The following CEP350 variants were observed in gnomAD, a reference collection of about 807,000 sequenced individuals.
CEP350 encodes centrosomal protein 350.
A neutral mutation model predicts 331.8 loss-of-function variants in CEP350; 126 were observed. That is an observed-to-expected ratio of 0.38 (90% CI 0.33 to 0.44). The LOEUF (loss-of-function observed/expected upper bound fraction) is 0.44, where lower values mean the gene tolerates loss of function less well. CEP350 is among the 20% of genes least tolerant of loss of function. CEP350 has a pLI of 1.00. For synonymous variants in CEP350, 1,200 were observed against 1,259.5 expected (o/e 0.95, Z 1.00); for missense variants, 3,406 against 3,634.6 (o/e 0.94, Z 1.62).
rs764569247 is a variant in CEP350, at chr1:180,095,751, T to C, written c.8740T>C (p.Leu2914=). 7 of 1,613,908 alleles carry C rather than the reference T, an allele frequency of 4.3e-6. No homozygotes were observed. The highest frequency in any genetic ancestry group is 5.1e-6 in the Non-Finnish European group (6 of 1,179,906). The stretch of plus-strand genomic sequence containing the variant: ...AACCCAACAACCATGTGAAACATTA[T>C]TGGCAGTCCCCCATACTGCAGAAGA... The part of the protein sequence containing the change: ...RVTQQPCETL[L]AVPHTAEEVE... Residue 2914 remains leucine (L), a synonymous_variant, in exon 35 of 38, where the codon TTG becomes CTG. Coordinates refer to ENST00000367607, the MANE Select transcript of CEP350 (RefSeq NM_014810.5).
At chr1:180,069,946 T>A (rs1234277261) in intron 27 of CEP350, among the ~76,000 whole-genome samples, 1 of 152,202 alleles carries the variant, frequency 6.6e-6, no homozygotes. Context: ...TGGGGATACA[T>A]AGCATTGCAT....
Position 180,082,461 on chromosome 1 carries a change from C to T in CEP350, c.6125-1557C>T, listed in dbSNP as rs183023960. On this transcript the variant is annotated intron_variant, in intron 30 of 37. Transcript: ENST00000367607. ...TCCTGAGTAGCTGGGACTACAGGCG[C>T]ATGCTGCCACACCTGGCTAATTTTT... Among the ~76,000 whole-genome samples the T allele has an allele frequency of 4.1e-3, 625 of 152,160 alleles. 2 individuals are homozygous for T. The highest frequency in any genetic ancestry group is 0.014 in the Middle Eastern group (4 of 294).
chr1:180,011,861 T>C, intron 8 of CEP350, 68 bp from the exon 9 acceptor site: 1 of 1,015,494 alleles, frequency 9.8e-7, no homozygotes, highest in Non-Finnish European at 1.4e-6. Context: ...AAAACCTGTA[T>C]GGTTGAGTAG....
At position 180,065,097 on chromosome 1, in the gene CEP350, G is replaced by T. The variant is rs1436143930; in HGVS notation, c.5410-18G>T. On this transcript the variant is annotated intron_variant, in intron 26 of 37. Coordinates refer to ENST00000367607, the MANE Select transcript of CEP350 (RefSeq NM_014810.5). ...TCCTATTAAAGTCCAATACAATTTTGCCTCTTTTTGTTTGCAGGACTCTCA... is the reference window on the plus strand; with the variant it reads ...TCCTATTAAAGTCCAATACAATTTTTCCTCTTTTTGTTTGCAGGACTCTCA... The T allele has an allele frequency of 6.4e-7, 1 of 1,573,414 alleles. No homozygotes were observed. Among genetic ancestry groups the T allele is most frequent in the Non-Finnish European group, 8.6e-7 (1 of 1,165,320 alleles).
At chr1:179,971,052 A>G (rs1002504358) in intron 1 of CEP350, among the ~76,000 whole-genome samples, 17 of 148,534 alleles carry the variant, frequency 1.1e-4, no homozygotes, top group African/African-American at 4.2e-4. Context: ...TTTTTGAGAC[A>G]GAGTCTTGCT....
chr1:180,043,097 G>A lies in CEP350; in HGVS notation c.4404G>A (p.Val1468=). 6.2e-7 allele frequency: 1 copy of A among 1,613,718 alleles called. No individual in the cohort carries two copies. The highest frequency in any genetic ancestry group is 8.5e-7 in the Non-Finnish European group (1 of 1,179,738). Residue 1468 remains valine, a synonymous_variant, in exon 20 of 38, where the codon GTG becomes GTA. Transcript: ENST00000367607. ...LTRTHISDAV[V]ASGAPLAILY... ...GAACTCATATCTCAGATGCTGTCGTGGCTTCAGGAGCTCCCCTTGCAATAC... is the reference window on the plus strand; with the variant it reads ...GAACTCATATCTCAGATGCTGTCGTAGCTTCAGGAGCTCCCCTTGCAATAC...
intron 14 of CEP350, among the ~76,000 whole-genome samples, chr1:180,025,513 T>A (rs1655614742): frequency 6.6e-6 from 1 of 152,176 alleles, no homozygotes; most frequent in African/African-American, 2.4e-5. Flanking sequence ...CGGAGATGGA[T>A]AATCACTGTA....
chr1:180,108,424 C>T (rs751744294), intron 37 of CEP350, among the ~76,000 whole-genome samples: 75 of 151,950 alleles, frequency 4.9e-4, no homozygotes, highest in African/African-American at 1.5e-3. Flanking sequence ...AGCTTGAGCC[C>T]GGGAGGTGGA....
At chr1:180,053,216 C>T (rs1657618960) in intron 23 of CEP350, 50 bp downstream of exon 23, 2 of 913,286 alleles carry the variant, frequency 2.2e-6, no homozygotes, top group East Asian at 5.8e-5. Context: ...TATGTTCTCT[C>T]AAAGATATGA....
chr1:180,093,762 A>C lies in CEP350; in HGVS notation c.7657A>C (p.Lys2553Gln), dbSNP rs1393552778. Residue 2553 changes from lysine (K) to glutamine (Q), a missense_variant, in exon 34 of 38, where the codon AAG becomes CAG. Coordinates refer to ENST00000367607, the MANE Select transcript of CEP350 (RefSeq NM_014810.5). ...DGIAYFECKE[K>Q]HGIFAPPQKI... ...TATTGCATATTTTGAGTGCAAAGAAAAGCATGGTATTTTTGCTCCTCCTCA... is the reference window on the plus strand; with the variant it reads ...TATTGCATATTTTGAGTGCAAAGAACAGCATGGTATTTTTGCTCCTCCTCA... 3 of 1,613,834 alleles carry C rather than the reference A, an allele frequency of 1.9e-6. No individual in the cohort carries two copies. Among genetic ancestry groups the C allele is most frequent in the African/African-American group, 1.3e-5 (1 of 74,918 alleles).
chr1:180,013,687 C>T (rs570600520), intron 9 of CEP350, among the ~76,000 whole-genome samples, 160 bp from the exon 10 acceptor site: 6 of 152,078 alleles, frequency 3.9e-5, no homozygotes, highest in Non-Finnish European at 5.9e-5. Context: ...AAAAGGGAGG[C>T]TTTTCTTTCC....
At chr1:180,070,295 C>T (rs1658803456) in intron 27 of CEP350, among the ~76,000 whole-genome samples, 1 of 152,080 alleles carries the variant, frequency 6.6e-6, no homozygotes, top group South Asian at 2.1e-4. Context: ...AGGAGTTCCA[C>T]TTAAAATTTA....
chr1:180,036,011 C>G (rs981231986), intron 16 of CEP350, among the ~76,000 whole-genome samples: 1 of 152,182 alleles, frequency 6.6e-6, no homozygotes, highest in Admixed American at 6.5e-5. Flanking sequence ...GGAAGGAGAT[C>G]AAACTATGAG....
chr1:180,010,420 T>C (rs2148791433), intron 8 of CEP350, among the ~76,000 whole-genome samples: 1 of 151,444 alleles, frequency 6.6e-6, no homozygotes, highest in South Asian at 2.1e-4. Flanking sequence ...TTTTTTTTTT[T>C]TTTAAAGAAA....
At chr1:180,040,198 ACT>A (rs921465387) in intron 17 of CEP350, among the ~76,000 whole-genome samples, 3 of 151,872 alleles carry the variant, frequency 2.0e-5, no homozygotes, top group African/African-American at 7.3e-5. Flanking sequence ...GACAGCAGAA[ACT>A]CTGGACATTT....
chr1:180,011,988 A>G lies in CEP350; in HGVS notation c.1306A>G (p.Ile436Val), dbSNP rs777380878. The G allele has an allele frequency of 6.9e-6, 11 of 1,596,236 alleles. No homozygotes were observed. The highest frequency in any genetic ancestry group is 9.4e-6 in the Non-Finnish European group (11 of 1,170,228). The stretch of plus-strand genomic sequence containing the variant: ...AGATGGACAAAAATTAGTAAAGAAG[A>G]TTCTGGGACCTGCTCCCAGAATGGA... ...WRDGQKLVKK[I>V]LGPAPRMEPK... The change falls in exon 9 of 38, where the codon ATT becomes GTT. Residue 436 changes from isoleucine (I) to valine (V), a missense_variant. Transcript: ENST00000367607.
Position 180,087,693 on chromosome 1 carries a change from T to A in CEP350, c.6401T>A (p.Ile2134Asn). 6.3e-7 allele frequency: 1 copy of A among 1,584,536 alleles called. No homozygotes were observed. The highest frequency in any genetic ancestry group is 8.6e-7 in the Non-Finnish European group (1 of 1,163,794). Residue 2134 changes from isoleucine to asparagine, a missense_variant, in exon 32 of 38, where the codon ATC becomes AAC. Around this residue, in one of 5 missense-constraint regions of CEP350, gnomAD observed 1,415 missense variants for 1,512.3 expected, o/e 0.94. Transcript: ENST00000367607. ...TCCTCAGCTTCTGAAAAACCCAAGA[T>A]CAAACCCCTCACACCACTACACAGG... is the stretch of plus-strand genomic sequence containing the variant. ...TLSSASEKPKIKPLTPLHRSE... is the reference protein window; with the variant it reads ...TLSSASEKPKNKPLTPLHRSE...
chr1:180,031,172 T>A (rs961704859), intron 14 of CEP350, 148 bp from the exon 15 acceptor site: 8 of 469,282 alleles, frequency 1.7e-5, no homozygotes, highest in Admixed American at 7.9e-5. Context: ...ATTTTAGATA[T>A]GGAAAACAGA....
rs571589300 is a variant in CEP350, at chr1:180,010,080, G to A, written c.1247-1849G>A. On this transcript the variant is annotated intron_variant, in intron 8 of 37. Coordinates refer to ENST00000367607, the MANE Select transcript of CEP350 (RefSeq NM_014810.5). ...CATTCATTTTAAAATTGTAATAGTA[G>A]GTTATGGTAATCACTGTTTATTTAA... is the stretch of plus-strand genomic sequence containing the variant. Among the ~76,000 whole-genome samples, 3 of 152,094 alleles carry A rather than the reference G, an allele frequency of 2.0e-5. No homozygotes were observed. In the South Asian group the frequency reaches 6.2e-4, roughly 32 times the overall value.
Sources: gnomAD v4.1 joint callset for allele counts (sites outside exome capture counted in the v4.1 genomes callset) on GRCh38, gnomAD v4.1.1 for gene constraint, gnomAD v4.1.1 regional missense constraint, MANE v1.5 for transcripts, NCBI Gene and HGNC (gene_info 2026-07-23, HGNC 2026-07-21) for gene names.